DCLK1: variants seen among roughly 807,000 people sequenced by gnomAD.
DCLK1 encodes serine/threonine-protein kinase DCLK1.
A neutral mutation model predicts 86.2 loss-of-function variants in DCLK1; 16 were observed. The observed-to-expected ratio is 0.19, with a 90% CI of 0.13 to 0.28. The LOEUF (loss-of-function observed/expected upper bound fraction) is 0.28. DCLK1 is among the 10% of genes least tolerant of loss of function. The pLI is 1.00. For synonymous variants in DCLK1, 369 were observed against 370.5 expected (o/e 1.00, Z 0.05); for missense variants, 590 against 940.2 (o/e 0.63, Z 4.87).
intron 3 of DCLK1, among the ~76,000 whole-genome samples, chr13:36,021,310 G>GA (rs78528362): frequency 0.047 from 7,064 of 148,832 alleles, 172 homozygotes; most frequent in Middle Eastern, 0.093. Flanking sequence ...TTATTTAATT[G>GA]AAAAAAAAAG....
chr13:35,961,073 G>T (rs1201792643), intron 3 of DCLK1, among the ~76,000 whole-genome samples: 1 of 152,136 alleles, frequency 6.6e-6, no homozygotes, highest in African/African-American at 2.4e-5. Flanking sequence ...TATAATAGAG[G>T]TTTTGAGTAT....
At position 35,914,368 on chromosome 13, in the gene DCLK1, T is replaced by TAC. The variant is rs1566600337; in HGVS notation, c.823+32989_823+32990insGT. ...ATATATACATATATATATATATATATGTATATATATATATATATATATAAG... is the reference window on the plus strand; with the variant it reads ...ATATATACATATATATATATATATATACGTATATATATATATATATATATAAG... On this transcript the variant is annotated intron_variant, in intron 4 of 16. Coordinates refer to ENST00000360631, the MANE Select transcript of DCLK1 (RefSeq NM_001330071.2). 1.9e-3 allele frequency among the ~76,000 whole-genome samples: 31 copies of TAC among 16,684 alleles called. No individual in the cohort carries two copies. The South Asian group carries it at 0.035, about 19-fold the overall frequency. 10.9% of individuals were successfully genotyped at this position (16,684 alleles called of 152,430 possible).
intron 4 of DCLK1, among the ~76,000 whole-genome samples, chr13:35,873,888 T>C (rs1026442798): frequency 6.6e-6 from 1 of 152,234 alleles, no homozygotes; most frequent in Admixed American, 6.5e-5. Flanking sequence ...CTTTTGCAAT[T>C]ACTTATTTAT....
At chr13:35,824,841 C>G (rs931779683) in intron 10 of DCLK1, among the ~76,000 whole-genome samples, 1 of 152,182 alleles carries the variant, frequency 6.6e-6, no homozygotes, top group Admixed American at 6.5e-5. Flanking sequence ...TAGTGACCCT[C>G]ACACTCCAGG....
intron 4 of DCLK1, among the ~76,000 whole-genome samples, chr13:35,924,707 A>C (rs149096098): frequency 6.6e-6 from 1 of 152,186 alleles, no homozygotes; most frequent in Non-Finnish European, 1.5e-5. Flanking sequence ...TCTGCACATG[A>C]ATATTTATTT....
intron 16 of DCLK1, among the ~76,000 whole-genome samples, chr13:35,779,632 A>G (rs1303144244): frequency 6.6e-6 from 1 of 152,216 alleles, no homozygotes; most frequent in Non-Finnish European, 1.5e-5. Flanking sequence ...AGTAAAAAGT[A>G]TTAAGAGTCA....
At chr13:35,806,286 T>G (rs1166679735) in intron 14 of DCLK1, among the ~76,000 whole-genome samples, 1 of 152,176 alleles carries the variant, frequency 6.6e-6, no homozygotes, top group East Asian at 1.9e-4. Flanking sequence ...CAATTCTGGG[T>G]GGCAAGATAG....
chr13:35,889,285 A>T (rs575370683), intron 4 of DCLK1, among the ~76,000 whole-genome samples: 1 of 152,334 alleles, frequency 6.6e-6, no homozygotes, highest in Admixed American at 6.5e-5. Flanking sequence ...TTCTTTAAAA[A>T]TAATCTATCA....
intron 3 of DCLK1, among the ~76,000 whole-genome samples, chr13:35,988,437 G>A (rs770914932): frequency 3.9e-5 from 6 of 152,240 alleles, no homozygotes; most frequent in Non-Finnish European, 8.8e-5. Flanking sequence ...TGAGGTCTGA[G>A]CACTCACTCA....
intron 3 of DCLK1, among the ~76,000 whole-genome samples, chr13:35,979,870 C>T (rs1206245605): frequency 1.3e-5 from 2 of 152,200 alleles, no homozygotes; most frequent in African/African-American, 4.8e-5. Context: ...ACTAAGTCAG[C>T]TGGACCTGAG....
At chr13:35,985,979 TAA>T (rs1160931115) in intron 3 of DCLK1, among the ~76,000 whole-genome samples, 2 of 151,886 alleles carry the variant, frequency 1.3e-5, no homozygotes, top group Non-Finnish European at 2.9e-5. Flanking sequence ...GAGAAGATAT[TAA>T]GAGTTCGTGA....
At chr13:35,848,217 T>G in intron 6 of DCLK1, 1 of 985,250 alleles carries the variant, frequency 1.0e-6, no homozygotes, top group Non-Finnish European at 1.2e-6. Flanking sequence ...ATTGCCGAAT[T>G]TTTTTTATAA....
chr13:36,006,310 C>T (rs991395133), intron 3 of DCLK1, among the ~76,000 whole-genome samples: 4 of 152,144 alleles, frequency 2.6e-5, no homozygotes, highest in South Asian at 2.1e-4. Context: ...CGCAAACCAG[C>T]GGGCAGACAG....
chr13:36,013,840 T>C (rs1435707252), intron 3 of DCLK1, among the ~76,000 whole-genome samples: 1 of 152,202 alleles, frequency 6.6e-6, no homozygotes, highest in Non-Finnish European at 1.5e-5. Context: ...TCTGCCGCCT[T>C]GCAGTTTGAT....
At chr13:35,889,987 A>T (rs573060120) in intron 4 of DCLK1, among the ~76,000 whole-genome samples, 1 of 152,256 alleles carries the variant, frequency 6.6e-6, no homozygotes, top group South Asian at 2.1e-4. Context: ...TTTTTAAAGG[A>T]TATCCGAACA....
chr13:35,963,527 T>C (rs887549776), intron 3 of DCLK1, among the ~76,000 whole-genome samples: 3 of 152,238 alleles, frequency 2.0e-5, no homozygotes, highest in African/African-American at 4.8e-5. Context: ...ATTGTTCTGG[T>C]CAATGATAAC....
intron 16 of DCLK1, among the ~76,000 whole-genome samples, chr13:35,783,876 G>A (rs537998124): frequency 1.1e-4 from 17 of 152,236 alleles, no homozygotes; most frequent in East Asian, 3.9e-4. Flanking sequence ...GTGAGCCACC[G>A]CGCCCAGCCT....
chr13:36,034,295 A>G lies in DCLK1; in HGVS notation c.723+77574T>C, dbSNP rs570117677. On this transcript the variant is annotated intron_variant, in intron 3 of 16. Transcript: ENST00000360631. ...CCCAGAATAGAATCAATAGAAATTAAATTAGAATTTTAAAGTTATTATCAA... is the reference window on the plus strand; with the variant it reads ...CCCAGAATAGAATCAATAGAAATTAGATTAGAATTTTAAAGTTATTATCAA... Among the ~76,000 whole-genome samples the G allele has an allele frequency of 6.6e-5, 10 of 152,356 alleles. No individual in the cohort carries two copies. The South Asian group carries it at 1.9e-3, about 28-fold the overall frequency.
chr13:36,015,785 T>G (rs1398590481), intron 3 of DCLK1, among the ~76,000 whole-genome samples: 3 of 152,206 alleles, frequency 2.0e-5, no homozygotes. Flanking sequence ...CTGTGCTTTT[T>G]AATCCAATTG....
Sources: gnomAD v4.1 joint callset for allele counts (sites outside exome capture counted in the v4.1 genomes callset) on GRCh38, gnomAD v4.1.1 for gene constraint, MANE v1.5 for transcripts, NCBI Gene and HGNC (gene_info 2026-07-23, HGNC 2026-07-21) for gene names.